The following PCDH15 variants were observed in gnomAD, a reference collection of about 807,000 sequenced individuals.
PCDH15 encodes the protein protocadherin-15.
A neutral mutation model predicts 178.5 loss-of-function variants in PCDH15; 129 were observed. That is an observed-to-expected ratio of 0.72 (90% confidence interval 0.63 to 0.84). The LOEUF (loss-of-function observed/expected upper bound fraction) is 0.84. Among genes scored for constraint, PCDH15 ranks in the 40% least tolerant of loss-of-function variants. The pLI is 0.00. For synonymous variants in PCDH15, 800 were observed against 732.0 expected (o/e 1.09, Z -1.50); for missense variants, 2,230 against 2,099.9 (o/e 1.06, Z -1.21).
intron 10 of PCDH15, among the ~76,000 whole-genome samples, chr10:54,211,748 A>AAG (rs770165122): frequency 6.6e-5 from 10 of 151,660 alleles, no homozygotes; most frequent in Admixed American, 2.0e-4. Flanking sequence ...TTAAAGTAAA[A>AAG]AGAGAGAGAG....
At chr10:53,933,009 G>A (rs1254399691) in intron 25 of PCDH15, among the ~76,000 whole-genome samples, 1 of 151,834 alleles carries the variant, frequency 6.6e-6, no homozygotes. Flanking sequence ...CATGGGATGT[G>A]CCTGCTCTCC....
At chr10:54,651,509 A>C (rs2094260599) in intron 2 of PCDH15, among the ~76,000 whole-genome samples, 1 of 152,218 alleles carries the variant, frequency 6.6e-6, no homozygotes, top group South Asian at 2.1e-4. Flanking sequence ...CAGTAAGCAA[A>C]GCCATAGTAT....
chr10:54,143,005 G>T (rs759660861), intron 14 of PCDH15, among the ~76,000 whole-genome samples: 1 of 152,000 alleles, frequency 6.6e-6, no homozygotes, highest in African/African-American at 2.4e-5. Flanking sequence ...TTTGATACTC[G>T]ACAGAATTTC....
chr10:54,686,194 T>A (rs4935541), intron 1 of PCDH15, among the ~76,000 whole-genome samples: 131,184 of 151,634 alleles, frequency 0.87, 57,405 homozygotes, highest in Middle Eastern at 0.94. Flanking sequence ...CAATTTTAAT[T>A]ATAACCCAGA....
chr10:53,878,686 T>A (rs1237371075), intron 26 of PCDH15, among the ~76,000 whole-genome samples: 1 of 151,894 alleles, frequency 6.6e-6, no homozygotes, highest in Non-Finnish European at 1.5e-5. Context: ...GCATTTATTA[T>A]GACACGTTTT....
At chr10:54,633,225 G>C (rs1291576602) in intron 2 of PCDH15, among the ~76,000 whole-genome samples, 1 of 152,072 alleles carries the variant, frequency 6.6e-6, no homozygotes, top group East Asian at 1.9e-4. Flanking sequence ...GAAGGTCAGG[G>C]AGCAAATTAA....
intron 1 of PCDH15, among the ~76,000 whole-genome samples, chr10:55,284,778 A>C (rs1842824445): frequency 6.6e-6 from 1 of 152,026 alleles, no homozygotes; most frequent in Admixed American, 6.6e-5. Flanking sequence ...GGGAAGTCAG[A>C]CATATATTTA....
intron 2 of PCDH15, among the ~76,000 whole-genome samples, chr10:55,349,154 G>T (rs1267153292): frequency 1.3e-5 from 2 of 152,040 alleles, no homozygotes; most frequent in Non-Finnish European, 2.9e-5. Flanking sequence ...CTGTAGTCAT[G>T]GACCAGGAAG....
At chr10:55,123,136 T>C (rs1837814667) in intron 2 of PCDH15, among the ~76,000 whole-genome samples, 1 of 152,012 alleles carries the variant, frequency 6.6e-6, no homozygotes, top group African/African-American at 2.4e-5. Context: ...AAGATAAATA[T>C]GAAACCATCC....
intron 3 of PCDH15, among the ~76,000 whole-genome samples, chr10:54,463,645 A>G (rs2077335336): frequency 6.6e-6 from 1 of 152,150 alleles, no homozygotes; most frequent in South Asian, 2.1e-4. Flanking sequence ...TCTACCAGAC[A>G]GTAATTTTTT....
chr10:55,216,425 T>C (rs968402424), intron 1 of PCDH15, among the ~76,000 whole-genome samples: 4 of 151,924 alleles, frequency 2.6e-5, no homozygotes, highest in Admixed American at 2.0e-4. Context: ...CACCAATTTA[T>C]AGCTTTGGTA....
chr10:54,965,913 T>C (rs902700485), intron 2 of PCDH15, among the ~76,000 whole-genome samples: 2 of 150,924 alleles, frequency 1.3e-5, no homozygotes, highest in Non-Finnish European at 3.0e-5. Context: ...ATATATTATG[T>C]AAGTGTATAT....
chr10:54,273,387 G>T (rs76789878), intron 8 of PCDH15, among the ~76,000 whole-genome samples: 1 of 26,220 alleles, frequency 3.8e-5, no homozygotes, highest in East Asian at 2.7e-4. Context: ...AAAAAAAAAG[G>T]TGATGCTTTA....
intron 21 of PCDH15, among the ~76,000 whole-genome samples, chr10:53,994,377 T>C (rs200976498): frequency 6.6e-6 from 1 of 152,122 alleles, no homozygotes; most frequent in East Asian, 1.9e-4. Context: ...CACTCATTTA[T>C]TACAGAGTGT....
chr10:55,161,112 C>T (rs2589453), intron 2 of PCDH15, among the ~76,000 whole-genome samples: 94,540 of 151,944 alleles, frequency 0.62, 29,586 homozygotes, highest in African/African-American at 0.65. Context: ...ATGTGATTCA[C>T]TTTCCATAGT....
At chr10:54,546,622 A>G (rs1333652165) in intron 2 of PCDH15, among the ~76,000 whole-genome samples, 1 of 152,202 alleles carries the variant, frequency 6.6e-6, no homozygotes, top group African/African-American at 2.4e-5. Flanking sequence ...AAATATCACA[A>G]AGATTCTAAA....
intron 2 of PCDH15, among the ~76,000 whole-genome samples, chr10:55,556,934 C>T (rs1842102672): frequency 6.6e-6 from 1 of 152,110 alleles, no homozygotes; most frequent in Non-Finnish European, 1.5e-5. Flanking sequence ...TGTATTTGCT[C>T]TTTATTGAAT....
intron 5 of PCDH15, among the ~76,000 whole-genome samples, chr10:54,366,829 T>C (rs1005235070): frequency 1.3e-5 from 2 of 152,018 alleles, no homozygotes; most frequent in Admixed American, 1.3e-4. Flanking sequence ...ATGACCATAG[T>C]GTCAATGGGA....
chr10:55,506,384 A>G (rs1398730472), intron 2 of PCDH15: 1 of 151,534 alleles, frequency 6.6e-6, no homozygotes, highest in Non-Finnish European at 1.5e-5. Flanking sequence ...ATAATGCAAG[A>G]CATAACACAA....
Sources: gnomAD v4.1 joint callset for allele counts (sites outside exome capture counted in the v4.1 genomes callset) on GRCh38, gnomAD v4.1.1 for gene constraint, MANE v1.5 for transcripts, NCBI Gene and HGNC (gene_info 2026-07-23, HGNC 2026-07-21) for gene names.